Variants in CDH8 observed in about 807,000 individuals in gnomAD.
CDH8 encodes cadherin-8.
In CDH8, 17 loss-of-function variants were observed where a neutral mutation model predicts 68.1. That is an observed-to-expected ratio of 0.25 (90% CI 0.17 to 0.37). The LOEUF (loss-of-function observed/expected upper bound fraction) is 0.37. Among genes scored for constraint, CDH8 ranks in the 10% least tolerant of loss-of-function variants. The pLI, the probability that CDH8 is intolerant of heterozygous loss-of-function variation, is 1.00. For missense variants in CDH8, 763 were observed against 999.3 expected, an observed-to-expected ratio of 0.76 and a Z score of 3.19; for synonymous variants, 372 against 365.1, an observed-to-expected ratio of 1.02 and a Z score of -0.21.
intron 2 of CDH8, among the ~76,000 whole-genome samples, chr16:62,006,611 C>T (rs1286710407): frequency 6.6e-6 from 1 of 152,172 alleles, no homozygotes; most frequent in African/African-American, 2.4e-5. Context: ...CTCCAACTTC[C>T]ACCTCCCTTG....
intron 9 of CDH8, among the ~76,000 whole-genome samples, chr16:61,715,647 T>C (rs1414309447): frequency 6.6e-6 from 1 of 151,658 alleles, no homozygotes; most frequent in Non-Finnish European, 1.5e-5. Context: ...TGTTACTCAA[T>C]GACCCAACAT....
In CDH8 at chr16:61,750,007, CCAGGTAGTCAG is replaced by C. The variant is rs1208893177; in HGVS notation, c.1415-22803_1415-22793del. On this transcript the variant is annotated intron_variant, in intron 8 of 11. Transcript: ENST00000577390. ...TTTGGGGTATAAATGATCCTGTCAC[CCAGGTAGTCAG>C]CATAGTATTCAATAGCTGGTTTTTC... 3.3e-5 allele frequency among the ~76,000 whole-genome samples: 5 copies of C among 151,978 alleles called. No individual in the cohort carries two copies. The East Asian group carries it at 9.7e-4, about 29-fold the overall frequency.
chr16:61,834,828 A>G (rs1962533527), intron 4 of CDH8, among the ~76,000 whole-genome samples: 1 of 151,982 alleles, frequency 6.6e-6, no homozygotes, highest in South Asian at 2.1e-4. Flanking sequence ...AGGTGAAAAT[A>G]TATTATCACA....
intron 8 of CDH8, among the ~76,000 whole-genome samples, chr16:61,746,685 G>A (rs1238160542): frequency 6.6e-6 from 1 of 151,600 alleles, no homozygotes; most frequent in Non-Finnish European, 1.5e-5. Context: ...ATTTACTCTA[G>A]AAGGACTCTA....
intron 2 of CDH8, among the ~76,000 whole-genome samples, chr16:61,938,453 A>C (rs1177136896): frequency 1.3e-5 from 2 of 152,130 alleles, no homozygotes; most frequent in African/African-American, 4.8e-5. Context: ...ATATACAGCT[A>C]TTTTTTGTTT....
chr16:61,675,174 C>A (rs1339875046), intron 10 of CDH8, among the ~76,000 whole-genome samples: 1 of 151,736 alleles, frequency 6.6e-6, no homozygotes, highest in Non-Finnish European at 1.5e-5. Flanking sequence ...ACAAAAAGTG[C>A]CAGAATTGGT....
intron 2 of CDH8, among the ~76,000 whole-genome samples, chr16:61,982,974 T>C (rs1357620778): frequency 1.3e-5 from 2 of 152,178 alleles, no homozygotes; most frequent in Admixed American, 6.5e-5. Flanking sequence ...GTGAAAAAGT[T>C]TCTACATGTA....
intron 1 of CDH8, among the ~76,000 whole-genome samples, chr16:62,034,610 T>G (rs1323115846): frequency 6.6e-6 from 1 of 152,108 alleles, no homozygotes; most frequent in Non-Finnish European, 1.5e-5. Context: ...GTTCCCATTG[T>G]CAGCCCCCAG....
chr16:61,800,891 G>A (rs762994626), intron 7 of CDH8, among the ~76,000 whole-genome samples: 2 of 152,028 alleles, frequency 1.3e-5, no homozygotes, highest in South Asian at 2.1e-4. Context: ...GAAAAATAAA[G>A]GTTTAGTTAA....
intron 3 of CDH8, among the ~76,000 whole-genome samples, chr16:61,898,158 G>A (rs11643834): frequency 0.28 from 42,292 of 151,870 alleles, 6,018 homozygotes; most frequent in South Asian, 0.32. Context: ...AAATTAGCCG[G>A]GCATGGTGAC....
intron 5 of CDH8, among the ~76,000 whole-genome samples, chr16:61,821,770 G>A (rs372572611): frequency 1.1e-4 from 16 of 151,974 alleles, no homozygotes; most frequent in East Asian, 3.9e-4. Context: ...GGGCAATAAA[G>A]TGTGTCTAAT....
chr16:61,682,884 A>C (rs1964039834), intron 10 of CDH8, among the ~76,000 whole-genome samples: 1 of 151,970 alleles, frequency 6.6e-6, no homozygotes, highest in Non-Finnish European at 1.5e-5. Context: ...GTTCTACACA[A>C]AACGATTCCA....
Position 61,652,810 on chromosome 16 carries a change from C to A in CDH8, c.*798G>T. ...ATTCACGCGCTAGCAATAAAACCAT[C>A]TGTCTCTTATGTAGTCCACTGTGTG... On this transcript the variant is annotated 3_prime_UTR_variant, in exon 12 of 12. Transcript: ENST00000577390. The A allele has an allele frequency of 7.2e-7, 1 of 1,385,158 alleles. No homozygotes were observed. The highest frequency in any genetic ancestry group is 9.4e-7 in the Non-Finnish European group (1 of 1,066,132). 85.8% of individuals were successfully genotyped at this position (1,385,158 alleles called of 1,614,324 possible).
At chr16:61,951,679 G>T (rs1256115271) in intron 2 of CDH8, among the ~76,000 whole-genome samples, 1 of 152,020 alleles carries the variant, frequency 6.6e-6, no homozygotes, top group Non-Finnish European at 1.5e-5. Flanking sequence ...CTATACTGAA[G>T]TCAAAAGCCT....
chr16:61,921,226 C>T (rs1964360986), intron 2 of CDH8, among the ~76,000 whole-genome samples: 1 of 149,050 alleles, frequency 6.7e-6, no homozygotes, highest in Non-Finnish European at 1.5e-5. Context: ...GCACAATGTG[C>T]ACATGTACCT....
intron 1 of CDH8, among the ~76,000 whole-genome samples, chr16:62,029,627 T>A (rs1902277344): frequency 6.6e-6 from 1 of 152,192 alleles, no homozygotes; most frequent in African/African-American, 2.4e-5. Context: ...TGTTCATGAG[T>A]GAGCTATTCT....
intron 2 of CDH8, among the ~76,000 whole-genome samples, chr16:61,906,857 G>A (rs150384314): frequency 1.3e-5 from 2 of 152,276 alleles, no homozygotes; most frequent in African/African-American, 4.8e-5. Flanking sequence ...CCTCACATAT[G>A]TATTCAAATT....
At chr16:61,714,768 T>A (rs76819569) in intron 9 of CDH8, among the ~76,000 whole-genome samples, 2 of 151,656 alleles carry the variant, frequency 1.3e-5, no homozygotes, top group African/African-American at 4.8e-5. Context: ...CAAGAGCTAA[T>A]GTAGGAAAAG....
chr16:61,781,390 A>C (rs12446829), intron 8 of CDH8, among the ~76,000 whole-genome samples: 6,640 of 152,150 alleles, frequency 0.044, 402 homozygotes, highest in East Asian at 0.24. Context: ...GTGAGGAGTT[A>C]AAGACTAGCC....
Sources: gnomAD v4.1 joint callset for allele counts (sites outside exome capture counted in the v4.1 genomes callset) on GRCh38, gnomAD v4.1.1 for gene constraint, MANE v1.5 for transcripts, NCBI Gene and HGNC (gene_info 2026-07-23, HGNC 2026-07-21) for gene names.